MED13L: variants seen among roughly 807,000 people sequenced by gnomAD.
MED13L encodes the protein mediator of RNA polymerase II transcription subunit 13-like.
A neutral mutation model predicts 220.9 loss-of-function variants in MED13L; 7 were observed. The observed-to-expected ratio is 0.03, with a 90% CI of 0.02 to 0.06. The LOEUF is 0.06. Among genes scored for constraint, MED13L ranks in the 10% least tolerant of loss-of-function variants. The probability of loss-of-function intolerance (pLI) is 1.00; values close to 1 mark genes in which losing one functional copy is unlikely to be tolerated. For synonymous variants in MED13L, 1,011 were observed against 1,015.2 expected, an observed-to-expected ratio of 1.00 and a Z score of 0.08; for missense variants, 1,965 against 2,760.5, an observed-to-expected ratio of 0.71 and a Z score of 6.46.
chr12:116,049,947 A>C (rs762418677), intron 4 of MED13L, among the ~76,000 whole-genome samples: 1 of 152,232 alleles, frequency 6.6e-6, no homozygotes, highest in Non-Finnish European at 1.5e-5. Context: ...GAGATACAAA[A>C]ACACGTATGT....
At chr12:116,040,141 TG>T (rs1488902426) in intron 4 of MED13L, among the ~76,000 whole-genome samples, 12 of 152,322 alleles carry the variant, frequency 7.9e-5, no homozygotes, top group African/African-American at 2.6e-4. Context: ...AAAATTGTGG[TG>T]TTTTTTTCCT....
At chr12:116,185,084 G>A (rs566006568) in intron 2 of MED13L, among the ~76,000 whole-genome samples, 27 of 152,278 alleles carry the variant, frequency 1.8e-4, no homozygotes, top group Middle Eastern at 3.4e-3. Flanking sequence ...TATCCAAGAT[G>A]TACACCAAGA....
chr12:116,251,832 T>C (rs1871595331), intron 1 of MED13L, among the ~76,000 whole-genome samples: 1 of 151,308 alleles, frequency 6.6e-6, no homozygotes, highest in East Asian at 1.9e-4. Context: ...AAGACATATT[T>C]ACGTTGAGAG....
chr12:116,205,006 G>A (rs1264242064), intron 2 of MED13L, among the ~76,000 whole-genome samples: 1 of 152,126 alleles, frequency 6.6e-6, no homozygotes, highest in Non-Finnish European at 1.5e-5. Context: ...TGGCTACCTA[G>A]AACACCATAA....
intron 16 of MED13L, among the ~76,000 whole-genome samples, 196 bp downstream of exon 16, chr12:115,996,280 C>A (rs1042532361): frequency 2.6e-5 from 4 of 151,942 alleles, no homozygotes; most frequent in Non-Finnish European, 5.9e-5. Context: ...TTAGTAGAGA[C>A]GGGGTTTCAC....
At chr12:116,106,397 G>A (rs1873577297) in intron 3 of MED13L, among the ~76,000 whole-genome samples, 1 of 152,156 alleles carries the variant, frequency 6.6e-6, no homozygotes, top group African/African-American at 2.4e-5. Context: ...CGTTATAAAT[G>A]ATCCCAAAGA....
intron 2 of MED13L, among the ~76,000 whole-genome samples, chr12:116,221,058 A>C (rs1477507509): frequency 6.6e-6 from 1 of 152,108 alleles, no homozygotes; most frequent in Non-Finnish European, 1.5e-5. Flanking sequence ...AAATGAGTTT[A>C]ATAAACACAA....
At chr12:116,099,376 G>A (rs1310389936) in intron 3 of MED13L, among the ~76,000 whole-genome samples, 1 of 152,096 alleles carries the variant, frequency 6.6e-6, no homozygotes, top group Non-Finnish European at 1.5e-5. Flanking sequence ...TCTTAAAATT[G>A]ATAATGCTGA....
Position 115,991,888 on chromosome 12 carries a change from C to G in MED13L, c.3066G>C (p.Val1022=), listed in dbSNP as rs1177883449. The stretch of plus-strand genomic sequence containing the variant: ...TGGCTGGGGCAGCGCTGTTCAACGT[C>G]ACGGGTGTGTTCATCTGTGGTGTGT... ...YLNTPQMNTP[V]TLNSAAPASN... Residue 1022 remains valine (V), a synonymous_variant, in exon 17 of 31, where the codon GTG becomes GTC. Coordinates refer to ENST00000281928, the MANE Select transcript of MED13L (RefSeq NM_015335.5). The surrounding 1 kb of genome is among the most constrained non-coding windows in gnomAD (Gnocchi z 7.7). The G allele has an allele frequency of 1.2e-6, 2 of 1,602,486 alleles. No individual in the cohort carries two copies. Among genetic ancestry groups the G allele is most frequent in the Non-Finnish European group, 8.5e-7 (1 of 1,179,920 alleles).
chr12:115,986,805 T>C (rs1283834042), intron 18 of MED13L, among the ~76,000 whole-genome samples: 3 of 152,134 alleles, frequency 2.0e-5, no homozygotes, highest in African/African-American at 4.8e-5. Context: ...TATGATGAAG[T>C]AGACAGAACT....
At chr12:116,193,306 G>C (rs1256015854) in intron 2 of MED13L, among the ~76,000 whole-genome samples, 1 of 152,030 alleles carries the variant, frequency 6.6e-6, no homozygotes, top group African/African-American at 2.4e-5. Flanking sequence ...GCAAAATCCT[G>C]TCTTTAATAA....
intron 2 of MED13L, among the ~76,000 whole-genome samples, chr12:116,167,213 A>G (rs1245312258): frequency 6.6e-6 from 1 of 152,172 alleles, no homozygotes; most frequent in Non-Finnish European, 1.5e-5. Context: ...AGAGAAGAAT[A>G]TATTTTATTG....
chr12:115,980,239 A>G (rs1398613458), intron 23 of MED13L, among the ~76,000 whole-genome samples: 3 of 152,214 alleles, frequency 2.0e-5, no homozygotes, highest in Non-Finnish European at 1.5e-5. Context: ...AAAAAACAGT[A>G]AGAATTTGCT....
At chr12:115,966,340 C>G (rs1007040999) in intron 28 of MED13L, 97 bp from the exon 29 acceptor site, 1 of 1,372,940 alleles carries the variant, frequency 7.3e-7, no homozygotes, top group Non-Finnish European at 1.0e-6. Context: ...AGTGAGTGAT[C>G]CCCTTTGTGG....
chr12:116,157,544 G>C (rs1021273723), intron 2 of MED13L, among the ~76,000 whole-genome samples: 2 of 152,152 alleles, frequency 1.3e-5, no homozygotes, highest in Non-Finnish European at 2.9e-5. Flanking sequence ...CTTTGGCAAC[G>C]GTTTTGTCTA....
rs1002608499 is a variant in MED13L, at chr12:116,012,856, G to C, written c.1221C>G (p.Ser407Arg). Residue 407 changes from serine to arginine, a missense_variant, in exon 9 of 31, where the codon AGC (serine) becomes AGG (arginine). Physicochemically the swap from Ser to Arg is moderately radical, Grantham distance 110. Transcript: ENST00000281928. ...STPTLEEEPASNPATWDFVDP... is the reference protein window; with the variant it reads ...STPTLEEEPARNPATWDFVDP... ...CCACAAAATCCCAAGTAGCAGGATT[G>C]CTAGCAGGCTCTTCTTCAAGAGTTG... 15 of 1,613,846 alleles carry C rather than the reference G, an allele frequency of 9.3e-6. No homozygotes were observed. Among genetic ancestry groups the C allele is most frequent in the Non-Finnish European group, 1.2e-5 (14 of 1,179,894 alleles).
chr12:116,239,177 AAAGAT>A (rs1291218355), intron 1 of MED13L, among the ~76,000 whole-genome samples: 1 of 152,190 alleles, frequency 6.6e-6, no homozygotes, highest in Non-Finnish European at 1.5e-5. Context: ...AAAAAGTTAC[AAAGAT>A]AATATACAAA....
chr12:116,132,227 C>A (rs1171862424), intron 2 of MED13L, among the ~76,000 whole-genome samples: 1 of 150,294 alleles, frequency 6.7e-6, no homozygotes, highest in Non-Finnish European at 1.5e-5. Flanking sequence ...CTGCAGTGAG[C>A]CGAGATCGTG....
chr12:116,198,259 A>C (rs1881770502), intron 2 of MED13L, among the ~76,000 whole-genome samples: 1 of 152,084 alleles, frequency 6.6e-6, no homozygotes, highest in South Asian at 2.1e-4. Flanking sequence ...AGCTGTCCTC[A>C]CCCTACCTTT....
Sources: gnomAD v4.1 joint callset for allele counts (sites outside exome capture counted in the v4.1 genomes callset) on GRCh38, gnomAD v4.1.1 for gene constraint, Gnocchi (gnomAD v3.1) non-coding constraint, MANE v1.5 for transcripts, NCBI Gene and HGNC (gene_info 2026-07-23, HGNC 2026-07-21) for gene names.